TOP3B: variants seen among roughly 807,000 people sequenced by gnomAD.
The protein encoded by TOP3B is DNA topoisomerase III beta.
In TOP3B, 45 loss-of-function variants were observed where a neutral mutation model predicts 93.9. The ratio of observed to expected loss-of-function variants is 0.48; its 90% CI spans 0.38 to 0.61. The LOEUF is 0.61. Ranked by LOEUF, TOP3B falls within the 20% of genes least tolerant of loss-of-function variation. The pLI is 0.00. For missense variants in TOP3B, 750 were observed against 1,156.1 expected (o/e 0.65, Z 5.09); for synonymous variants, 357 against 472.6 (o/e 0.76, Z 3.17).
Position 21,970,214 on chromosome 22 carries a change from T to A in TOP3B, c.577A>T (p.Thr193Ser). ...ELDLRIGCAF[T>S]RFQTKYFQGK... is the part of the protein sequence containing the mutation. The stretch of plus-strand genomic sequence containing the variant: ...CTCTGCGGGTGTGGCCAGCACCTGG[T>A]GAATGCACAGCCGATTCGCAGGTCC... Residue 193 changes from threonine to serine, a missense_variant, in exon 6 of 18, where the codon ACC becomes TCC. Coordinates refer to ENST00000357179, the MANE Select transcript of TOP3B (RefSeq NM_001282112.2). This position sits in a 1 kb window ranked among gnomAD's most constrained non-coding sequence, Gnocchi z 4.4. 6.2e-7 allele frequency: 1 copy of A among 1,610,610 alleles called. No individual in the cohort carries two copies. The highest frequency in any genetic ancestry group is 8.5e-7 in the Non-Finnish European group (1 of 1,179,902).
In TOP3B at chr22:21,963,344, G is replaced by GA. The variant is rs11400717; in HGVS notation, c.1205-452dup. The GA allele has an allele frequency of 0.52, 79,045 of 151,486 alleles. 20,716 individuals are homozygous for GA. The highest frequency in any genetic ancestry group is 0.66 in the African/African-American group (26,368 of 39,828). The allele number at this position is 151,486 out of a possible 1,614,324, so 9.4% of individuals were successfully genotyped here. The stretch of plus-strand genomic sequence containing the variant: ...AGAACAAGACTCTGTCTCAAAAAAA[G>GA]AAAAAAAAAAAGCAAATGCGGAGGA... On this transcript the variant is annotated intron_variant, in intron 11 of 17. Transcript: ENST00000357179. This position sits in a 1 kb window ranked among gnomAD's most constrained non-coding sequence, Gnocchi z 4.8.
intron 2 of TOP3B, 165 bp from the exon 3 acceptor site, chr22:21,974,653 T>C: frequency 1.4e-6 from 1 of 704,244 alleles, no homozygotes; most frequent in Non-Finnish European, 2.3e-6. Flanking sequence ...CACTGAGAGG[T>C]GGGACGGCGC....
chr22:21,970,897 G>T lies in TOP3B; in HGVS notation c.385-491C>A. 1.4e-6 allele frequency: 1 copy of T among 729,342 alleles called. No individual in the cohort carries two copies. Among genetic ancestry groups the T allele is most frequent in the Non-Finnish European group, 1.8e-6 (1 of 553,336 alleles). 45.2% of individuals were successfully genotyped at this position (729,342 alleles called of 1,614,324 possible). ...TGAAGGGGAAAGGAAATGGGCAAGAGCAGGAAGGCCACGGGTGGTCCTAGC... is the reference window on the plus strand; with the variant it reads ...TGAAGGGGAAAGGAAATGGGCAAGATCAGGAAGGCCACGGGTGGTCCTAGC... On this transcript the variant is annotated intron_variant, in intron 5 of 17. Coordinates refer to ENST00000357179, the MANE Select transcript of TOP3B (RefSeq NM_001282112.2). The surrounding 1 kb of genome is among the most constrained non-coding windows in gnomAD (Gnocchi z 4.4).
At chr22:21,959,990 C>G (rs867706985) in intron 14 of TOP3B, 1 of 624,450 alleles carries the variant, frequency 1.6e-6, no homozygotes, top group Non-Finnish European at 2.8e-6. Flanking sequence ...CCACATCACA[C>G]ATGAGCTCCA....
intron 2 of TOP3B, 42 bp from the exon 3 acceptor site, chr22:21,974,530 A>G (rs1382645997): frequency 7.1e-6 from 11 of 1,551,158 alleles, no homozygotes; most frequent in Non-Finnish European, 9.6e-6. Context: ...GCTTCAGCTG[A>G]GCTGAAGACC....
intron 15 of TOP3B, 109 bp from the exon 16 acceptor site, chr22:21,959,341 T>G: frequency 6.5e-7 from 1 of 1,544,414 alleles, no homozygotes; most frequent in Non-Finnish European, 8.7e-7. Flanking sequence ...AGGCGGTGGT[T>G]TCTACTGTCC....
At chr22:21,982,163 G>C (rs1224591884) in intron 1 of TOP3B, 5 of 152,192 alleles carry the variant, frequency 3.3e-5, no homozygotes, top group Non-Finnish European at 7.3e-5. Flanking sequence ...GTTTCAAAAG[G>C]TGAGAAGATA....
rs2071236595 is a variant in TOP3B at position 21,962,596 on chromosome 22, G to A, written c.1358C>T (p.Thr453Met). 1.2e-6 allele frequency: 2 copies of A among 1,612,884 alleles called. No homozygotes were observed. Among genetic ancestry groups the A allele is most frequent in the Non-Finnish European group, 1.7e-6 (2 of 1,179,674 alleles). Residue 453 changes from threonine to methionine, a missense_variant, in exon 13 of 18, where the codon ACG (threonine) becomes ATG (methionine). Coordinates refer to ENST00000357179, the MANE Select transcript of TOP3B (RefSeq NM_001282112.2). ...CACGCTCTGCCAGGGCATGACCTCC[G>A]TGAAGCCTGGAGAGATATGCGCCGC... ...SGKTVLSPGF[T>M]EVMPWQSVPL...
At chr22:21,961,067 C>A (rs1379279921) in intron 13 of TOP3B, 5 of 153,804 alleles carry the variant, frequency 3.3e-5, no homozygotes, top group Admixed American at 3.2e-4. Context: ...GTCAGAGGGG[C>A]AGAAAGGAGG....
chr22:21,963,974 C>T lies in TOP3B; in HGVS notation c.1153G>A (p.Gly385Ser), dbSNP rs199633721. 115 of 1,613,080 alleles carry T rather than the reference C, an allele frequency of 7.1e-5. No individual in the cohort carries two copies. In the Middle Eastern group the frequency reaches 1.2e-3, roughly 16 times the overall value. Residue 385 changes from glycine (G) to serine (S), a missense_variant, in exon 11 of 18, where the codon GGC (glycine) becomes AGC (serine). Transcript: ENST00000357179. The surrounding 1 kb of genome is among the most constrained non-coding windows in gnomAD (Gnocchi z 4.8). ...ATGGGGGTGATGGGGGGATGGTCGC[C>T]GGCGTCATGGCCTTTCCGCGGGCGG... The part of the protein sequence containing the change: ...INRPRKGHDA[G>S]DHPPITPMKS...
At chr22:21,958,444 A>G in intron 17 of TOP3B, 48 bp downstream of exon 17, 1 of 1,612,700 alleles carries the variant, frequency 6.2e-7, no homozygotes, top group Non-Finnish European at 8.5e-7. Context: ...GTTGGCACTG[A>G]AAAGAGACTG....
chr22:21,968,361 G>A (rs564487591), intron 7 of TOP3B: 3 of 484,040 alleles, frequency 6.2e-6, no homozygotes, highest in African/African-American at 3.8e-5. Context: ...GATTCCTGTG[G>A]GGTGACCTCA....
At chr22:21,960,028 C>T (rs2071097827) in intron 14 of TOP3B, 3 of 615,980 alleles carry the variant, frequency 4.9e-6, no homozygotes, top group African/African-American at 3.7e-5. Flanking sequence ...TTTTGTGCTC[C>T]TCCCTCTCCC....
intron 13 of TOP3B, chr22:21,962,117 CTA>C: frequency 1.5e-6 from 2 of 1,310,610 alleles, no homozygotes; most frequent in Non-Finnish European, 2.0e-6. Flanking sequence ...AATATGATTT[CTA>C]TGAGTCACCT....
At chr22:21,982,248 T>C (rs1012243676) in intron 1 of TOP3B, 1 of 152,180 alleles carries the variant, frequency 6.6e-6, no homozygotes, top group Non-Finnish European at 1.5e-5. Flanking sequence ...GCTAATTTGT[T>C]CACAAAAGTA....
At chr22:21,960,298 G>T (rs1331096887) in intron 14 of TOP3B, 23 bp downstream of exon 14, 4 of 1,612,754 alleles carry the variant, frequency 2.5e-6, no homozygotes, top group Non-Finnish European at 3.4e-6. Flanking sequence ...GGTGGGCCCT[G>T]GGGGCAGGAC....
intron 17 of TOP3B, 126 bp downstream of exon 17, chr22:21,958,366 G>C (rs2071014162): frequency 6.5e-7 from 1 of 1,538,736 alleles, no homozygotes; most frequent in Non-Finnish European, 8.8e-7. Flanking sequence ...TCTCGTCTCA[G>C]TGCCAATGAG....
At chr22:21,972,831 A>G (rs2071698434) in intron 3 of TOP3B, 113 bp from the exon 4 acceptor site, 1 of 892,060 alleles carries the variant, frequency 1.1e-6, no homozygotes, top group South Asian at 1.4e-5. Context: ...AGCTTGGAGA[A>G]CAATTTGCCC....
At chr22:21,978,462 G>A (rs954606933) in intron 1 of TOP3B, among the ~76,000 whole-genome samples, 9 of 152,230 alleles carry the variant, frequency 5.9e-5, no homozygotes, top group Admixed American at 1.3e-4. Context: ...GGCATGACAG[G>A]AAGGGACTGG....
Sources: gnomAD v4.1 joint callset for allele counts (sites outside exome capture counted in the v4.1 genomes callset) on GRCh38, gnomAD v4.1.1 for gene constraint, Gnocchi (gnomAD v3.1) non-coding constraint, MANE v1.5 for transcripts, NCBI Gene and HGNC (gene_info 2026-07-23, HGNC 2026-07-21) for gene names.